The following KCNH8 variants were observed in gnomAD, a reference collection of about 807,000 sequenced individuals.
The protein encoded by KCNH8 is voltage-gated delayed rectifier potassium channel KCNH8.
Under a neutral mutation model 103.6 loss-of-function variants are expected in KCNH8, and 70 were observed. That is an observed-to-expected ratio of 0.68 (90% CI 0.56 to 0.82). The LOEUF (loss-of-function observed/expected upper bound fraction) is 0.82, where lower values mean the gene tolerates loss of function less well. Among genes scored for constraint, KCNH8 ranks in the 40% least tolerant of loss-of-function variants. The pLI is 0.00. For missense variants in KCNH8, 1,217 were observed against 1,329.9 expected (o/e 0.92, Z 1.32); for synonymous variants, 498 against 489.4 (o/e 1.02, Z -0.23).
intron 11 of KCNH8, among the ~76,000 whole-genome samples, chr3:19,490,095 T>G (rs2068286839): frequency 6.6e-6 from 1 of 152,086 alleles, no homozygotes; most frequent in Non-Finnish European, 1.5e-5. Context: ...TACCCGAGAG[T>G]GCTCTCAGGA....
At chr3:19,257,852 A>G (rs1473701816) in intron 2 of KCNH8, among the ~76,000 whole-genome samples, 1 of 152,024 alleles carries the variant, frequency 6.6e-6, no homozygotes, top group African/African-American at 2.4e-5. Flanking sequence ...CCTCTAGATG[A>G]TAGCTGGGTT....
chr3:19,515,403 G>A lies in KCNH8; in HGVS notation c.2517G>A (p.Glu839=). The A allele has an allele frequency of 6.4e-7, 1 of 1,552,482 alleles. No homozygotes were observed. Among genetic ancestry groups the A allele is most frequent in the Non-Finnish European group, 8.7e-7 (1 of 1,149,672 alleles). ...TTGGCTCTGAACGAATCAGATCAGA[G>A]CCCAGAATTTCTCCTCCTCTTGGAG... ...FDFGSERIRS[E]PRISPPLGDP... is the part of the protein sequence containing the mutation. Residue 839 remains glutamate (E), a synonymous_variant, in exon 14 of 16, where the codon GAG becomes GAA. Transcript: ENST00000328405.
rs2064308208 is a variant in KCNH8, at chr3:19,253,653, G to A, written c.77-1G>A. The A allele has an allele frequency of 6.2e-7, 1 of 1,606,736 alleles. No homozygotes were observed. The highest frequency in any genetic ancestry group is 1.7e-5 in the Admixed American group (1 of 59,764). On this transcript the variant is annotated splice_acceptor_variant, in intron 1 of 15. Transcript: ENST00000328405. LOFTEE classifies it high-confidence loss of function. ...AGTATCTTCTCCTTGTTTTTCTATA[G>A]ATAGCAACTTCATCCTTGCCAATGC...
intron 15 of KCNH8, among the ~76,000 whole-genome samples, chr3:19,530,433 A>G (rs750875921): frequency 6.6e-6 from 1 of 152,192 alleles, no homozygotes; most frequent in Non-Finnish European, 1.5e-5. Context: ...TAATTATTAT[A>G]TATCAGTAAA....
chr3:19,450,335 G>T (rs758486901), intron 9 of KCNH8, 30 bp downstream of exon 9: 35 of 1,555,160 alleles, frequency 2.3e-5, no homozygotes, highest in Non-Finnish European at 3.0e-5. Context: ...TTGTTTTCAG[G>T]CAGAAAGCAC....
chr3:19,448,624 A>AATAATATGTTGAC (rs2067397367), intron 8 of KCNH8, among the ~76,000 whole-genome samples: 1 of 152,104 alleles, frequency 6.6e-6, no homozygotes. Context: ...AGATAGAAGT[A>AATAATATGTTGAC]ATAATATGTT....
At chr3:19,389,062 G>A (rs562040356) in intron 5 of KCNH8, among the ~76,000 whole-genome samples, 31 of 152,258 alleles carry the variant, frequency 2.0e-4, no homozygotes, top group African/African-American at 6.5e-4. Flanking sequence ...AATCTTCCTT[G>A]TCATAGCTCC....
At chr3:19,289,871 C>A (rs2064892587) in intron 3 of KCNH8, among the ~76,000 whole-genome samples, 1 of 152,140 alleles carries the variant, frequency 6.6e-6, no homozygotes. Context: ...ATTCTTCCTA[C>A]CCATGAGCAT....
At chr3:19,500,263 C>G (rs564717486) in intron 11 of KCNH8, among the ~76,000 whole-genome samples, 1 of 152,240 alleles carries the variant, frequency 6.6e-6, no homozygotes, top group South Asian at 2.1e-4. Context: ...GCACCCAATA[C>G]AAGAGCACCC....
chr3:19,339,889 G>A (rs1053515247), intron 3 of KCNH8, among the ~76,000 whole-genome samples: 3 of 152,066 alleles, frequency 2.0e-5, no homozygotes, highest in Admixed American at 2.0e-4. Flanking sequence ...GTTACTCTAT[G>A]TGAAAGTCGA....
At chr3:19,517,964 A>G in intron 14 of KCNH8, 34 bp from the exon 15 acceptor site, 1 of 1,550,996 alleles carries the variant, frequency 6.4e-7, no homozygotes, top group South Asian at 1.1e-5. Flanking sequence ...GTTTATTCCT[A>G]AAGGACTCAT....
intron 7 of KCNH8, among the ~76,000 whole-genome samples, chr3:19,396,393 TAGGAAAGC>T (rs2066518752): frequency 6.6e-6 from 1 of 152,004 alleles, no homozygotes; most frequent in East Asian, 1.9e-4. Flanking sequence ...CTGGAGACCT[TAGGAAAGC>T]AGGTGGAAGG....
At chr3:19,193,865 G>A (rs1372015846) in intron 1 of KCNH8, among the ~76,000 whole-genome samples, 1 of 151,656 alleles carries the variant, frequency 6.6e-6, no homozygotes, top group African/African-American at 2.4e-5. Context: ...GTTTGTGTGT[G>A]TGCAAAAATA....
At chr3:19,371,563 C>G (rs1182734273) in intron 5 of KCNH8, among the ~76,000 whole-genome samples, 3 of 150,014 alleles carry the variant, frequency 2.0e-5, no homozygotes, top group Non-Finnish European at 1.5e-5. Context: ...TGTAGGTTGC[C>G]TGTTCACTCT....
chr3:19,531,007 T>C (rs1263317382), intron 15 of KCNH8, among the ~76,000 whole-genome samples: 1 of 152,258 alleles, frequency 6.6e-6, no homozygotes, highest in African/African-American at 2.4e-5. Context: ...GCACATTGTA[T>C]AAATTTACAA....
intron 12 of KCNH8, among the ~76,000 whole-genome samples, chr3:19,510,655 C>T (rs2068768597): frequency 6.6e-6 from 1 of 152,072 alleles, no homozygotes; most frequent in South Asian, 2.1e-4. Context: ...ATGTAAAGTC[C>T]TAAGGTGTTA....
chr3:19,465,370 T>A (rs1257593226), intron 11 of KCNH8, among the ~76,000 whole-genome samples: 1 of 152,210 alleles, frequency 6.6e-6, no homozygotes, highest in Non-Finnish European at 1.5e-5. Context: ...TATGGTTTAC[T>A]GAATATTTTA....
At chr3:19,243,433 T>C (rs887961330) in intron 1 of KCNH8, among the ~76,000 whole-genome samples, 1 of 152,208 alleles carries the variant, frequency 6.6e-6, no homozygotes, top group Non-Finnish European at 1.5e-5. Context: ...TTTAGTCTTA[T>C]GTTTCCTGTT....
At chr3:19,352,853 A>C (rs1213365010) in intron 5 of KCNH8, among the ~76,000 whole-genome samples, 1 of 152,208 alleles carries the variant, frequency 6.6e-6, no homozygotes, top group African/African-American at 2.4e-5. Context: ...CACATTCAAA[A>C]GCTAGCAGAT....
Sources: allele counts gnomAD v4.1 joint callset (sites outside exome capture counted in the v4.1 genomes callset), GRCh38; gene constraint gnomAD v4.1.1; transcripts MANE v1.5; gene names NCBI Gene and HGNC (gene_info 2026-07-23, HGNC 2026-07-21).